The following TP63 variants were observed in gnomAD, a reference collection of about 807,000 sequenced individuals.
The protein encoded by TP63 is tumor protein 63.
Under a neutral mutation model 82.8 loss-of-function variants are expected in TP63, and 17 were observed. The ratio of observed to expected loss-of-function variants is 0.21; its 90% CI spans 0.14 to 0.31. TP63 has a LOEUF of 0.31. TP63 is among the 10% of genes least tolerant of loss of function. The pLI, the probability that TP63 is intolerant of heterozygous loss-of-function variation, is 1.00. For missense variants in TP63, 648 were observed against 895.3 expected, an observed-to-expected ratio of 0.72 and a Z score of 3.52; for synonymous variants, 330 against 321.7, an observed-to-expected ratio of 1.03 and a Z score of -0.28.
chr3:189,749,293 C>G (rs1721618480), intron 3 of TP63, among the ~76,000 whole-genome samples: 1 of 152,050 alleles, frequency 6.6e-6, no homozygotes, highest in South Asian at 2.1e-4. Context: ...ATTCATCCAA[C>G]ATGGGACTAA....
At chr3:189,623,850 G>A in the TP63 span, among the ~76,000 whole-genome samples, 1 of 58,310 alleles carries the variant, frequency 1.7e-5, no homozygotes, top group Non-Finnish European at 5.3e-5. Flanking sequence ...GACTCAGTAT[G>A]TATTATGTTT....
Position 189,737,846 on chromosome 3 carries a change from C to T in TP63, c.169C>T (p.His57Tyr), listed in dbSNP as rs574565024. Residue 57 changes from histidine to tyrosine, a missense_variant, in exon 2 of 14, where the codon CAT becomes TAT. By Grantham distance (83) the His-to-Tyr change is moderately conservative. Coordinates refer to ENST00000264731, the MANE Select transcript of TP63 (RefSeq NM_003722.5). ...NEFLSPEVFQHIWDFLEQPIC... is the reference protein window; with the variant it reads ...NEFLSPEVFQYIWDFLEQPIC... ...ATTCCTCAGTCCAGAGGTTTTCCAG[C>T]ATATCTGGGATTTTCTGGAACAGTA... 6.2e-7 allele frequency: 1 copy of T among 1,613,890 alleles called. No individual in the cohort carries two copies. The highest frequency in any genetic ancestry group is 1.7e-5 in the Admixed American group (1 of 60,016).
In TP63 at chr3:189,864,523, G is replaced by C. The variant is rs112063994; in HGVS notation, c.766+105G>C. The C allele has an allele frequency of 6.4e-6, 5 of 787,062 alleles. No homozygotes were observed. In the African/African-American group the frequency reaches 9.1e-5, roughly 14 times the overall value. The allele number at this position is 787,062 out of a possible 1,614,324, so 48.8% of individuals were successfully genotyped here. ...TACCTGATTCAGACTTCTGCACTCC[G>C]ATGGCAGATCAGTCTGCCTTTTTTT... On this transcript the variant is annotated intron_variant, in intron 5 of 13. Transcript: ENST00000264731.
chr3:189,753,974 A>G (rs908614297), intron 3 of TP63, among the ~76,000 whole-genome samples: 3 of 152,126 alleles, frequency 2.0e-5, no homozygotes, highest in Admixed American at 2.0e-4. Flanking sequence ...TGTGATACTC[A>G]TATATATTTC....
intron 13 of TP63, among the ~76,000 whole-genome samples, chr3:189,892,430 T>A (rs1282540101): frequency 9.2e-5 from 14 of 152,200 alleles, no homozygotes; most frequent in Admixed American, 9.2e-4. Context: ...GAACAGAGTC[T>A]AATTTACAAA....
At chr3:189,723,814 G>A (rs1219898012) in intron 1 of TP63, among the ~76,000 whole-genome samples, 3 of 152,136 alleles carry the variant, frequency 2.0e-5, no homozygotes, top group African/African-American at 7.2e-5. Context: ...ACATATACTT[G>A]TTAGATAGCA....
Position 189,868,721 on chromosome 3 carries a change from G to A in TP63, c.1129+5G>A, listed in dbSNP as rs1718038380. On this transcript the variant is annotated splice_donor_5th_base_variant and intron_variant, in intron 8 of 13. Coordinates refer to ENST00000264731, the MANE Select transcript of TP63 (RefSeq NM_003722.5). ...ACGGTGATGGTACGAAGCGCCGTAAGTAGATGTAGTGGCCAAATGGGGTAG... is the reference window on the plus strand; with the variant it reads ...ACGGTGATGGTACGAAGCGCCGTAAATAGATGTAGTGGCCAAATGGGGTAG... The A allele has an allele frequency of 2.5e-6, 4 of 1,613,866 alleles. No homozygotes were observed. The highest frequency in any genetic ancestry group is 3.4e-6 in the Non-Finnish European group (4 of 1,179,930).
At chr3:189,640,468 C>G (rs1447492413) in intron 1 of TP63, among the ~76,000 whole-genome samples, 5 of 152,104 alleles carry the variant, frequency 3.3e-5, no homozygotes, top group Non-Finnish European at 2.9e-5. Flanking sequence ...GATTTATCTT[C>G]AAGTTAGTAC....
chr3:189,812,144 T>C (rs1727635550), intron 4 of TP63, among the ~76,000 whole-genome samples: 1 of 152,210 alleles, frequency 6.6e-6, no homozygotes, highest in African/African-American at 2.4e-5. Flanking sequence ...TCCTTTTATG[T>C]CAAGTTTTCT....
chr3:189,693,729 A>C (rs531077511), intron 1 of TP63, among the ~76,000 whole-genome samples: 22 of 152,290 alleles, frequency 1.4e-4, no homozygotes, highest in Admixed American at 9.2e-4. Flanking sequence ...TAAATAAAAC[A>C]ATCTGGACTT....
At chr3:189,886,120 G>A (rs1380772732) in intron 10 of TP63, among the ~76,000 whole-genome samples, 1 of 152,088 alleles carries the variant, frequency 6.6e-6, no homozygotes, top group Non-Finnish European at 1.5e-5. Flanking sequence ...GAAAAGAGGA[G>A]GCAAGAATTT....
intron 1 of TP63, among the ~76,000 whole-genome samples, chr3:189,679,206 T>A (rs1030486053): frequency 6.6e-6 from 1 of 152,030 alleles, no homozygotes; most frequent in African/African-American, 2.4e-5. Flanking sequence ...TCCGAGAAAC[T>A]TTTATACTGG....
At chr3:189,751,339 A>ATGGGACC (rs1560157267) in intron 3 of TP63, among the ~76,000 whole-genome samples, 1 of 152,218 alleles carries the variant, frequency 6.6e-6, no homozygotes, top group Non-Finnish European at 1.5e-5. Context: ...ATACCCAGTA[A>ATGGGACC]TGGGACCGCT....
upstream of TP63, among the ~76,000 whole-genome samples, chr3:189,629,812 G>A (rs1729398260): frequency 6.6e-6 from 1 of 152,144 alleles, no homozygotes; most frequent in African/African-American, 2.4e-5. Flanking sequence ...ACAGGAAATT[G>A]ATTATTTTTA....
intron 4 of TP63, among the ~76,000 whole-genome samples, chr3:189,852,348 T>C (rs1577105915): frequency 6.6e-6 from 1 of 152,264 alleles, no homozygotes; most frequent in East Asian, 1.9e-4. Context: ...CTAAGCCAGG[T>C]TTCAATTGTC....
At chr3:189,834,263 G>T (rs909610675) in intron 4 of TP63, among the ~76,000 whole-genome samples, 2 of 152,172 alleles carry the variant, frequency 1.3e-5, no homozygotes, top group Non-Finnish European at 2.9e-5. Flanking sequence ...GGGAAAAAAA[G>T]TGTTTGAAGT....
chr3:189,865,342 C>T (rs181717005), intron 5 of TP63, among the ~76,000 whole-genome samples: 5 of 152,272 alleles, frequency 3.3e-5, no homozygotes, highest in African/African-American at 9.6e-5. Context: ...ACGCTATATC[C>T]ATGAATAAGT....
At position 189,801,573 on chromosome 3, in the gene TP63, GA is replaced by G. The variant is rs560055767; in HGVS notation, c.325-6698del. On this transcript the variant is annotated intron_variant, in intron 3 of 13. Transcript: ENST00000264731. ...ACACATTTTAATTTAGCTGCATTTG[GA>G]TCAAGTTTTAATTTTAATACCTTTC... is the stretch of plus-strand genomic sequence containing the variant. Among the ~76,000 whole-genome samples, 32 of 152,074 alleles carry G rather than the reference GA, an allele frequency of 2.1e-4. 1 individual carries two copies. The South Asian group carries it at 5.8e-3, about 28-fold the overall frequency.
intron 3 of TP63, among the ~76,000 whole-genome samples, chr3:189,760,996 G>T (rs1489849155): frequency 1.3e-5 from 2 of 152,124 alleles, no homozygotes; most frequent in East Asian, 3.9e-4. Context: ...CAGGTAGAAT[G>T]GCTGGGATGC....
Sources: allele counts gnomAD v4.1 joint callset (sites outside exome capture counted in the v4.1 genomes callset), GRCh38; gene constraint gnomAD v4.1.1; transcripts MANE v1.5; gene names NCBI Gene and HGNC (gene_info 2026-07-23, HGNC 2026-07-21).